Variants in SLC6A19 observed in about 807,000 individuals in gnomAD.
SLC6A19 encodes the protein solute carrier family 6 member 19.
A neutral mutation model predicts 68.3 loss-of-function variants in SLC6A19; 67 were observed. The ratio of observed to expected loss-of-function variants is 0.98; its 90% CI spans 0.81 to 1.20. The LOEUF is 1.20. Among genes scored for constraint, SLC6A19 ranks in the 50% most tolerant of loss-of-function variants. The pLI, the probability that SLC6A19 is intolerant of heterozygous loss-of-function variation, is 0.00. For missense variants in SLC6A19, 813 were observed against 851.6 expected (o/e 0.95, Z 0.56); for synonymous variants, 392 against 374.9 (o/e 1.05, Z -0.53).
intron 1 of SLC6A19, among the ~76,000 whole-genome samples, chr5:1,203,256 G>T (rs1299724979): frequency 6.6e-6 from 1 of 152,168 alleles, no homozygotes; most frequent in African/African-American, 2.4e-5. Flanking sequence ...ATGCGGGCTT[G>T]GGCAGGAATC....
chr5:1,205,952 G>A (rs764713286), intron 1 of SLC6A19, among the ~76,000 whole-genome samples: 4 of 152,064 alleles, frequency 2.6e-5, no homozygotes, highest in South Asian at 2.1e-4. Flanking sequence ...CCAGCATCCC[G>A]CCAGCCCACC....
At position 1,214,145 on chromosome 5, in the gene SLC6A19, A is replaced by C; in HGVS notation, c.887+80A>C. On this transcript the variant is annotated intron_variant, in intron 6 of 11. Coordinates refer to ENST00000304460, the MANE Select transcript of SLC6A19 (RefSeq NM_001003841.3). The surrounding 1 kb of genome is among the most constrained non-coding windows in gnomAD (Gnocchi z 7.4). ...CTGGGAGGATAAAAGACAAGGTGGA[A>C]AGCACTCTGTGGCTGTGTGGCCGGG... The C allele has an allele frequency of 1.2e-6, 2 of 1,603,846 alleles. No individual in the cohort carries two copies. The highest frequency in any genetic ancestry group is 1.7e-6 in the Non-Finnish European group (2 of 1,175,516).
At chr5:1,210,145 G>A (rs1170329567) in intron 2 of SLC6A19, among the ~76,000 whole-genome samples, 1 of 152,270 alleles carries the variant, frequency 6.6e-6, no homozygotes, top group Non-Finnish European at 1.5e-5. Flanking sequence ...GCTGCACTGG[G>A]CAGGTGAGAC....
rs1745990749 is a variant in SLC6A19 at position 1,210,384 on chromosome 5, GA to G, written c.344-59del. 3 of 1,605,016 alleles carry G rather than the reference GA, an allele frequency of 1.9e-6. No individual in the cohort carries two copies. In the South Asian group the frequency reaches 3.3e-5, roughly 18 times the overall value. ...CCTGGGACCTCCTGCTCAGAGTGGG[GA>G]TGGGTGGCCAGTGGAGGGTGTGCCT... On this transcript the variant is annotated intron_variant, in intron 2 of 11. Transcript: ENST00000304460.
In SLC6A19 at chr5:1,222,130, C is replaced by T; in HGVS notation, c.*226C>T. On this transcript the variant is annotated 3_prime_UTR_variant, in exon 12 of 12. Transcript: ENST00000304460. ...GTGTGCACGTGTATGCACACATATACATGTGTGTGGGTGTGTGTATTGTAT... is the reference window on the plus strand; with the variant it reads ...GTGTGCACGTGTATGCACACATATATATGTGTGTGGGTGTGTGTATTGTAT... The T allele has an allele frequency of 1.6e-6, 1 of 609,408 alleles. No individual in the cohort carries two copies. Among genetic ancestry groups the T allele is most frequent in the Non-Finnish European group, 2.9e-6 (1 of 342,806 alleles). 37.8% of individuals were successfully genotyped at this position (609,408 alleles called of 1,614,324 possible).
At chr5:1,205,339 T>C (rs369946092) in intron 1 of SLC6A19, among the ~76,000 whole-genome samples, 79 of 152,374 alleles carry the variant, frequency 5.2e-4, no homozygotes, top group African/African-American at 1.6e-3. Flanking sequence ...TTGGCTTTCC[T>C]TGAGTTTCTT....
intron 9 of SLC6A19, 149 bp from the exon 10 acceptor site, chr5:1,219,356 C>T (rs1746298954): frequency 1.6e-6 from 2 of 1,256,958 alleles, no homozygotes; most frequent in African/African-American, 1.5e-5. Flanking sequence ...ATGTGAGCAG[C>T]TCTGTCCCCG....
intron 10 of SLC6A19, among the ~76,000 whole-genome samples, chr5:1,220,576 C>T (rs1746348444): frequency 6.6e-6 from 1 of 152,148 alleles, no homozygotes; most frequent in South Asian, 2.1e-4. Context: ...TGCATAACCA[C>T]CTAAATGTGG....
intron 5 of SLC6A19, 130 bp from the exon 6 acceptor site, chr5:1,213,823 C>G: frequency 6.8e-7 from 1 of 1,464,310 alleles, no homozygotes; most frequent in Non-Finnish European, 9.3e-7. Flanking sequence ...AGCTGCCACC[C>G]CAGGGGGCCC....
chr5:1,219,595 G>A lies in SLC6A19; in HGVS notation c.1469G>A (p.Gly490Asp), dbSNP rs760167583. ...YWLSLLDSYA[G>D]SIPLLIIAFC... ...CTCTCCCTGCTGGACAGCTATGCCG[G>A]CTCCATTCCCCTGCTCATCATCGCC... The change falls in exon 10 of 12, where the codon GGC becomes GAC. Residue 490 changes from glycine to aspartate, a missense_variant. Transcript: ENST00000304460. The A allele has an allele frequency of 6.2e-7, 1 of 1,611,442 alleles. No individual in the cohort carries two copies. Among genetic ancestry groups the A allele is most frequent in the Admixed American group, 1.7e-5 (1 of 60,022 alleles).
rs1203986787 is a variant in SLC6A19, at chr5:1,214,671, A to G, written c.887+606A>G. Among the ~76,000 whole-genome samples, 1 of 152,156 alleles carries G rather than the reference A, an allele frequency of 6.6e-6. No individual in the cohort carries two copies. Among genetic ancestry groups the G allele is most frequent in the Non-Finnish European group, 1.5e-5 (1 of 68,032 alleles). On this transcript the variant is annotated intron_variant, in intron 6 of 11. Transcript: ENST00000304460. The surrounding 1 kb of genome is among the most constrained non-coding windows in gnomAD (Gnocchi z 7.4). ...GCTCTGCAGGTTGACAAGCAAGTGC[A>G]GAAGTTGTCCTCTGTGTGGTGACCA...
intron 3 of SLC6A19, 128 bp downstream of exon 3, chr5:1,210,709 CA>C: frequency 2.2e-6 from 3 of 1,336,862 alleles, no homozygotes; most frequent in Non-Finnish European, 2.1e-6. Flanking sequence ...AACAGGGTGT[CA>C]AAAAATGACA....
chr5:1,208,395 CA>C (rs112082452), intron 1 of SLC6A19, among the ~76,000 whole-genome samples: 4,139 of 152,270 alleles, frequency 0.027, 191 homozygotes, highest in African/African-American at 0.094. Flanking sequence ...CCTGGACTGC[CA>C]GGGGGTGGGT....
At position 1,221,706 on chromosome 5, in the gene SLC6A19, A is replaced by G; in HGVS notation, c.1707A>G (p.Glu569=). ...TYSIWDPGYE[E]FPKSQKISYP... ...CCATGGGGCTCTCTCCCCAGGAGGAATTTCCCAAATCCCAGAAGATCTCCT... is the reference window on the plus strand; with the variant it reads ...CCATGGGGCTCTCTCCCCAGGAGGAGTTTCCCAAATCCCAGAAGATCTCCT... Residue 569 remains glutamate, a synonymous_variant, in exon 12 of 12, where the codon GAA becomes GAG. Coordinates refer to ENST00000304460, the MANE Select transcript of SLC6A19 (RefSeq NM_001003841.3). The G allele has an allele frequency of 6.2e-7, 1 of 1,613,912 alleles. No individual in the cohort carries two copies. Among genetic ancestry groups the G allele is most frequent in the Non-Finnish European group, 8.5e-7 (1 of 1,179,858 alleles).
chr5:1,213,883 G>A, intron 5 of SLC6A19, 70 bp from the exon 6 acceptor site: 4 of 1,574,366 alleles, frequency 2.5e-6, no homozygotes, highest in Non-Finnish European at 3.5e-6. Context: ...GCCTCCCTGG[G>A]AGCACACCCT....
At chr5:1,213,611 A>G (rs1429486396) in intron 5 of SLC6A19, 38 bp downstream of exon 5, 1 of 1,569,672 alleles carries the variant, frequency 6.4e-7, no homozygotes, top group Non-Finnish European at 8.7e-7. Flanking sequence ...AGACCCCGGG[A>G]GAGGCCTGGC....
intron 1 of SLC6A19, among the ~76,000 whole-genome samples, chr5:1,208,531 T>G (rs1299321551): frequency 6.6e-5 from 10 of 152,110 alleles, no homozygotes; most frequent in Non-Finnish European, 1.5e-4. Flanking sequence ...GCCTGTGTGA[T>G]GGTCAGGAAT....
At chr5:1,220,908 A>G (rs1746357538) in intron 10 of SLC6A19, among the ~76,000 whole-genome samples, 2 of 152,108 alleles carry the variant, frequency 1.3e-5, no homozygotes, top group Non-Finnish European at 2.9e-5. Context: ...GGCACCTCTG[A>G]CCATGGGCAA....
rs764367649 is a variant in SLC6A19, at chr5:1,216,860, T to C, written c.1088T>C (p.Met363Thr). Reference sequence around the variant, plus strand: ...GTGACCCAGGAGAACTTTGTGGACATGCAGCAGCGGTGCAACGCCTCCGAC... The same window carrying C: ...GTGACCCAGGAGAACTTTGTGGACACGCAGCAGCGGTGCAACGCCTCCGAC... ...GNVTQENFVD[M>T]QQRCNASDPA... The change falls in exon 8 of 12, where the codon ATG (methionine) becomes ACG (threonine). Residue 363 changes from methionine (M) to threonine (T), a missense_variant. By Grantham distance (81) the Met-to-Thr change is moderately conservative (BLOSUM62 -1). Coordinates refer to ENST00000304460, the MANE Select transcript of SLC6A19 (RefSeq NM_001003841.3). 3.1e-6 allele frequency: 5 copies of C among 1,613,784 alleles called. No homozygotes were observed.
Sources: allele counts gnomAD v4.1 joint callset (sites outside exome capture counted in the v4.1 genomes callset), GRCh38; gene constraint gnomAD v4.1.1; non-coding constraint Gnocchi (gnomAD v3.1); transcripts MANE v1.5; gene names NCBI Gene and HGNC (gene_info 2026-07-23, HGNC 2026-07-21).